Variants in SGCD observed in about 807,000 individuals in gnomAD.
SGCD encodes sarcoglycan delta.
In SGCD, 18 loss-of-function variants were observed where a neutral mutation model predicts 36.6. The observed-to-expected ratio is 0.49, with a 90% CI of 0.34 to 0.73. The LOEUF is 0.73. Among genes scored for constraint, SGCD ranks in the 30% least tolerant of loss-of-function variants. The pLI is 0.01. For missense variants in SGCD, 387 were observed against 346.7 expected (o/e 1.12, Z -0.92); for synonymous variants, 133 against 130.6 (o/e 1.02, Z -0.12).
Position 156,646,954 on chromosome 5 carries a change from A to C in SGCD, c.503-510A>C, listed in dbSNP as rs1254289180. 2.0e-5 allele frequency among the ~76,000 whole-genome samples: 3 copies of C among 152,206 alleles called. No homozygotes were observed. In the East Asian group the frequency reaches 5.8e-4, roughly 29 times the overall value. On this transcript the variant is annotated intron_variant, in intron 6 of 8. Coordinates refer to ENST00000337851, the MANE Select transcript of SGCD (RefSeq NM_000337.6). ...TCTCTTATAGTGTTCTATTTTGCTTAACTTTTCAAGATAATAATGTAGAAC... is the reference window on the plus strand; with the variant it reads ...TCTCTTATAGTGTTCTATTTTGCTTCACTTTTCAAGATAATAATGTAGAAC...
intron 6 of SGCD, among the ~76,000 whole-genome samples, chr5:156,634,175 G>T (rs1205920841): frequency 6.7e-6 from 1 of 149,972 alleles, no homozygotes; most frequent in Non-Finnish European, 1.5e-5. Context: ...CAGATGGCAG[G>T]AATAGCTATT....
At chr5:156,717,656 A>T (rs922038773) in intron 7 of SGCD, among the ~76,000 whole-genome samples, 2 of 152,082 alleles carry the variant, frequency 1.3e-5, no homozygotes, top group African/African-American at 2.4e-5. Flanking sequence ...AACATATCCA[A>T]CCACCTCCAT....
intron 1 of SGCD, among the ~76,000 whole-genome samples, chr5:155,967,266 C>G (rs1013643725): frequency 1.3e-5 from 2 of 151,936 alleles, no homozygotes; most frequent in African/African-American, 4.8e-5. Flanking sequence ...CACTCATCAT[C>G]TTGAGCCCTC....
intron 1 of SGCD, among the ~76,000 whole-genome samples, chr5:156,049,273 T>C (rs1759855199): frequency 6.8e-6 from 1 of 146,172 alleles, no homozygotes; most frequent in South Asian, 2.2e-4. Flanking sequence ...CCTCCAGCTT[T>C]GTTCTTTTGG....
At chr5:156,092,020 A>G (rs978586313) in intron 1 of SGCD, among the ~76,000 whole-genome samples, 1 of 152,180 alleles carries the variant, frequency 6.6e-6, no homozygotes, top group Non-Finnish European at 1.5e-5. Flanking sequence ...TAGAGCATGC[A>G]TGGCTTCTGG....
At chr5:156,345,536 T>C (rs1768898664) in intron 3 of SGCD, among the ~76,000 whole-genome samples, 1 of 152,084 alleles carries the variant, frequency 6.6e-6, no homozygotes. Flanking sequence ...GCAATAAAAA[T>C]AACTCCTAGG....
chr5:156,608,430 C>A (rs950421909), intron 6 of SGCD, among the ~76,000 whole-genome samples: 2 of 152,146 alleles, frequency 1.3e-5, no homozygotes, highest in Admixed American at 6.5e-5. Context: ...AATTTCTGTT[C>A]TTTTACATTT....
At chr5:156,414,239 C>T (rs747850547) in intron 3 of SGCD, among the ~76,000 whole-genome samples, 11 of 152,192 alleles carry the variant, frequency 7.2e-5, no homozygotes, top group Admixed American at 5.2e-4. Context: ...TTCTAAAGCA[C>T]GGTTCTTATA....
At chr5:156,141,758 T>C (rs1762586790) in intron 3 of SGCD, among the ~76,000 whole-genome samples, 1 of 152,224 alleles carries the variant, frequency 6.6e-6, no homozygotes, top group East Asian at 1.9e-4. Context: ...CATTTCTATA[T>C]CCCTGTTGCA....
rs78215352 is a variant in SGCD, at chr5:156,055,149, T to G, written c.-281-62729T>G. On this transcript the variant is annotated intron_variant, in intron 1 of 9. Transcript: ENST00000517913. ...AGCAGTGCCAGCTTCCAGTTTTCTA[T>G]TTTTTTTTTTCCCCATAGAAGAATT... Among the ~76,000 whole-genome samples, 24 of 104,328 alleles carry G rather than the reference T, an allele frequency of 2.3e-4. 2 individuals are homozygous for G. The highest frequency in any genetic ancestry group is 1.9e-3 in the African/African-American group (20 of 10,352). 68.4% of individuals were successfully genotyped at this position (104,328 alleles called of 152,430 possible).
At chr5:156,486,910 A>G (rs1006787242) in intron 3 of SGCD, among the ~76,000 whole-genome samples, 4 of 152,042 alleles carry the variant, frequency 2.6e-5, no homozygotes, top group African/African-American at 4.8e-5. Flanking sequence ...GGTTCCAAGA[A>G]TTGGTTCACT....
At chr5:155,998,045 G>C (rs546260727) in intron 1 of SGCD, among the ~76,000 whole-genome samples, 1 of 152,352 alleles carries the variant, frequency 6.6e-6, no homozygotes, top group East Asian at 1.9e-4. Context: ...GCACGTGTCA[G>C]GGACTGCCTC....
rs550262475 is a variant in SGCD at position 156,648,154 on chromosome 5, T to C, written c.575+618T>C. 4.6e-5 allele frequency among the ~76,000 whole-genome samples: 7 copies of C among 152,208 alleles called. No individual in the cohort carries two copies. The South Asian group carries it at 1.5e-3, about 32-fold the overall frequency. On this transcript the variant is annotated intron_variant, in intron 7 of 8. Coordinates refer to ENST00000337851, the MANE Select transcript of SGCD (RefSeq NM_000337.6). ...TCCAGCCACCAAACAACCATGCCCC[T>C]GTCCCTCCCGCCAAAATGTATTTAA...
At chr5:156,255,726 G>A (rs73302631) in intron 3 of SGCD, among the ~76,000 whole-genome samples, 8,225 of 151,938 alleles carry the variant, frequency 0.054, 253 homozygotes, top group Non-Finnish European at 0.069. Flanking sequence ...ATTCATAATC[G>A]TTCTTATTTG....
chr5:156,540,731 C>G (rs892060679), intron 4 of SGCD, among the ~76,000 whole-genome samples: 5 of 152,160 alleles, frequency 3.3e-5, no homozygotes, highest in African/African-American at 1.2e-4. Flanking sequence ...ATGATAGAAG[C>G]AGTAATGCAG....
At chr5:156,414,324 A>C (rs922612314) in intron 3 of SGCD, among the ~76,000 whole-genome samples, 24 of 152,216 alleles carry the variant, frequency 1.6e-4, no homozygotes, top group Non-Finnish European at 3.4e-4. Flanking sequence ...AGCCTATAAA[A>C]ATAATTTTAA....
chr5:156,140,773 A>C (rs748156781), intron 3 of SGCD, among the ~76,000 whole-genome samples: 34 of 152,206 alleles, frequency 2.2e-4, no homozygotes, highest in Non-Finnish European at 1.0e-4. Flanking sequence ...TTAGGAGAGA[A>C]AACCAAGGGT....
intron 3 of SGCD, among the ~76,000 whole-genome samples, chr5:156,384,328 C>T (rs1434900144): frequency 6.6e-6 from 1 of 152,130 alleles, no homozygotes; most frequent in Non-Finnish European, 1.5e-5. Flanking sequence ...GCCTTCTTTC[C>T]TTCTTTGATT....
At chr5:155,970,483 G>T (rs748685675) in intron 1 of SGCD, among the ~76,000 whole-genome samples, 5 of 152,078 alleles carry the variant, frequency 3.3e-5, no homozygotes, top group Non-Finnish European at 7.4e-5. Context: ...CAAATTATCT[G>T]GCATTGTAAA....
Sources: gnomAD v4.1 joint callset for allele counts (sites outside exome capture counted in the v4.1 genomes callset) on GRCh38, gnomAD v4.1.1 for gene constraint, MANE v1.5 for transcripts, NCBI Gene and HGNC (gene_info 2026-07-23, HGNC 2026-07-21) for gene names.